The following TLR9 variants were observed in gnomAD, a reference collection of about 807,000 sequenced individuals.
TLR9 encodes the protein toll like receptor 9, also known as toll-like receptor 9.
TLR9 carries 19 observed loss-of-function variants against 24.6 expected under a neutral mutation model. The ratio of observed to expected loss-of-function variants is 0.77; its 90% confidence interval spans 0.54 to 1.13. The LOEUF is 1.13. Among genes scored for constraint, TLR9 ranks in the 50% most tolerant of loss-of-function variants. The pLI, the probability that TLR9 is intolerant of heterozygous loss-of-function variation, is 0.00. For synonymous variants in TLR9, 579 were observed against 609.8 expected (o/e 0.95, Z 0.74); for missense variants, 1,065 against 1,379.6 (o/e 0.77, Z 3.61).
At position 52,223,906 on chromosome 3, in the gene TLR9, G is replaced by A; in HGVS notation, c.410C>T (p.Thr137Ile). The A allele has an allele frequency of 6.2e-7, 1 of 1,603,242 alleles. No individual in the cohort carries two copies. Among genetic ancestry groups the A allele is most frequent in the Non-Finnish European group, 8.5e-7 (1 of 1,173,286 alleles). The change falls in exon 2 of 2, where the codon ACT becomes ATT. Residue 137 changes from threonine to isoleucine, a missense_variant. By Grantham distance (89) the Thr-to-Ile change is moderately conservative (BLOSUM62 -1). Coordinates refer to ENST00000360658, the MANE Select transcript of TLR9 (RefSeq NM_017442.4). ...GAGGGATTTGGGCAGCGCAGGCACA[G>A]TCATGATGTTGTTGTAGCTCAGGTT... ...ELNLSYNNIM[T>I]VPALPKSLIS...
In TLR9 at chr3:52,225,518, T is replaced by G; in HGVS notation, c.3+9A>C. 6.3e-7 allele frequency: 1 copy of G among 1,591,138 alleles called. No individual in the cohort carries two copies. The highest frequency in any genetic ancestry group is 1.9e-5 in the Admixed American group (1 of 53,210). ...CCCTTCCCCAGGGGACTGAGAGCTG[T>G]TGTCCTACCATGCTGGGGGGCAGGG... On this transcript the variant is annotated intron_variant, in intron 1 of 1. Coordinates refer to ENST00000360658, the MANE Select transcript of TLR9 (RefSeq NM_017442.4).
rs200242636 is a variant in TLR9, at chr3:52,222,471, G to T, written c.1845C>A (p.Ala615=). The T allele has an allele frequency of 6.2e-7, 1 of 1,614,220 alleles. No individual in the cohort carries two copies. Among genetic ancestry groups the T allele is most frequent in the Non-Finnish European group, 8.5e-7 (1 of 1,180,044 alleles). The change falls in exon 2 of 2, where the codon GCC becomes GCA. Residue 615 remains alanine (A), a synonymous_variant. Coordinates refer to ENST00000360658, the MANE Select transcript of TLR9 (RefSeq NM_017442.4). ...FSGNALGHMW[A]EGDLYLHFFQ... is the part of the protein sequence containing the mutation. ...AGAAGTGCAGATAGAGGTCTCCCTC[G>T]GCCCACATATGGCCCAGTGCATTGC...
Position 52,224,077 on chromosome 3 carries a change from T to C in TLR9, c.239A>G (p.Asp80Gly). 3 of 1,569,340 alleles carry C rather than the reference T, an allele frequency of 1.9e-6. No homozygotes were observed. The highest frequency in any genetic ancestry group is 2.6e-6 in the Non-Finnish European group (3 of 1,153,828). The change falls in exon 2 of 2, where the codon GAT (aspartate) becomes GGT (glycine). Residue 80 changes from aspartate (D) to glycine (G), a missense_variant. Coordinates refer to ENST00000360658, the MANE Select transcript of TLR9 (RefSeq NM_017442.4). ...GCTGGGCAGGTGGGCAAAGTCAGAA[T>C]CATGGAGGTGGTGGATGCGGTTGGA... is the stretch of plus-strand genomic sequence containing the variant. ...LSSNRIHHLH[D>G]SDFAHLPSLR...
In TLR9 at chr3:52,223,048, G is replaced by A. The variant is rs148578023; in HGVS notation, c.1268C>T (p.Ser423Leu). The change falls in exon 2 of 2, where the codon TCG becomes TTG. Residue 423 changes from serine to leucine, a missense_variant. Physicochemically the swap from Ser to Leu is moderately radical, Grantham distance 145 (BLOSUM62 -2). Transcript: ENST00000360658. ...AFPGLRYVDL[S>L]DNRISGASEL... is the part of the protein sequence containing the mutation. ...CGAAGCTCCGCTGATGCGGTTGTCC[G>A]ACAGGTCCACGTAGCGCAGGCCAGG... The A allele has an allele frequency of 3.6e-5, 57 of 1,591,766 alleles. No individual in the cohort carries two copies. In the Admixed American group the frequency reaches 7.4e-4, roughly 21 times the overall value.
rs780299673 is a variant in TLR9 at position 52,222,117 on chromosome 3, G to A, written c.2199C>T (p.Ser733=). The A allele has an allele frequency of 1.3e-5, 21 of 1,612,078 alleles. No individual in the cohort carries two copies. The highest frequency in any genetic ancestry group is 8.8e-5 in the South Asian group (8 of 90,820). ...GGTCCACTGTCTTGAGGGCGTTGGC[G>A]CTAAGGTTGAGCTCTCGCAGCTCCT... is the stretch of plus-strand genomic sequence containing the variant. ...KAKELRELNL[S]ANALKTVDHS... Residue 733 remains serine (S), a synonymous_variant, in exon 2 of 2, where the codon AGC becomes AGT. Transcript: ENST00000360658.
rs149110022 is a variant in TLR9 at position 52,223,955 on chromosome 3, C to A, written c.361G>T (p.Ala121Ser). ...HMTIEPSTFL[A>S]VPTLEELNLS... ...TTTAGCTCTTCCAGGGTGGGCACAGCCAAGAAGGTGCTGGGCTCGATGGTC... is the reference window on the plus strand; with the variant it reads ...TTTAGCTCTTCCAGGGTGGGCACAGACAAGAAGGTGCTGGGCTCGATGGTC... The change falls in exon 2 of 2, where the codon GCT (alanine) becomes TCT (serine). Residue 121 changes from alanine to serine, a missense_variant. Physicochemically the swap from Ala to Ser is moderately conservative, Grantham distance 99. Coordinates refer to ENST00000360658, the MANE Select transcript of TLR9 (RefSeq NM_017442.4). 21 of 1,592,564 alleles carry A rather than the reference C, an allele frequency of 1.3e-5. No homozygotes were observed. The highest frequency in any genetic ancestry group is 1.0e-4 in the Admixed American group (6 of 58,332).
Position 52,222,691 on chromosome 3 carries a change from G to A in TLR9, c.1625C>T (p.Thr542Met), listed in dbSNP as rs200585692. 19 of 1,613,146 alleles carry A rather than the reference G, an allele frequency of 1.2e-5. No individual in the cohort carries two copies. Among genetic ancestry groups the A allele is most frequent in the East Asian group, 2.2e-5 (1 of 44,834 alleles). The change falls in exon 2 of 2, where the codon ACG becomes ATG. Residue 542 changes from threonine (T) to methionine (M), a missense_variant. Thr to Met is a moderately conservative substitution (Grantham distance 81). Transcript: ENST00000360658. ...CAGGGCCTCCAGTCGCGGTAGCTCC[G>A]TGAATGAGTGCTCGTGGTAGAGGTC... is the stretch of plus-strand genomic sequence containing the variant. ...KLDLYHEHSF[T>M]ELPRLEALDL...
chr3:52,224,621 G>GC (rs1261611580), intron 1 of TLR9, among the ~76,000 whole-genome samples: 3 of 151,990 alleles, frequency 2.0e-5, no homozygotes, highest in Non-Finnish European at 4.4e-5. Context: ...GTGGCCCACG[G>GC]CCCCCCCTGG....
rs759114677 is a variant in TLR9, at chr3:52,222,064, G to A, written c.2252C>T (p.Ala751Val). 5 of 1,612,530 alleles carry A rather than the reference G, an allele frequency of 3.1e-6. No individual in the cohort carries two copies. The highest frequency in any genetic ancestry group is 4.2e-6 in the Non-Finnish European group (5 of 1,179,240). The change falls in exon 2 of 2, where the codon GCC becomes GTC. Residue 751 changes from alanine (A) to valine (V), a missense_variant. By Grantham distance (64) the Ala-to-Val change is moderately conservative (BLOSUM62 0). Coordinates refer to ENST00000360658, the MANE Select transcript of TLR9 (RefSeq NM_017442.4). ...GGCGCTTACATCTAGTATTTGCAGG[G>A]CACTCGCCAGGGGCCCAAACCAGGA... Reference protein sequence around the residue: ...DHSWFGPLASALQILDVSANP... With the variant: ...DHSWFGPLASVLQILDVSANP...
At position 52,223,926 on chromosome 3, in the gene TLR9, C is replaced by T; in HGVS notation, c.390G>A (p.Leu130=). The T allele has an allele frequency of 3.8e-6, 6 of 1,595,110 alleles. No homozygotes were observed. The highest frequency in any genetic ancestry group is 4.3e-6 in the Non-Finnish European group (5 of 1,168,922). ...LAVPTLEELN[L]SYNNIMTVPA... is the part of the protein sequence containing the mutation. ...GCACAGTCATGATGTTGTTGTAGCT[C>T]AGGTTTAGCTCTTCCAGGGTGGGCA... The change falls in exon 2 of 2, where the codon CTG becomes CTA. Residue 130 remains leucine (L), a synonymous_variant. Transcript: ENST00000360658.
intron 1 of TLR9, among the ~76,000 whole-genome samples, chr3:52,225,318 G>A (rs540118628): frequency 4.0e-5 from 6 of 151,842 alleles, no homozygotes; most frequent in Non-Finnish European, 7.4e-5. Context: ...ACTCCAGCCT[G>A]GGCAACAAGA....
chr3:52,221,659 C>T lies in TLR9; in HGVS notation c.2657G>A (p.Trp886Ter). ...FDKTQSAVAD[W>*]VYNELRGQLE... ...CTGCCCCCGAAGCTCGTTGTACACCCAGTCTGCCACTGCGCTCTGCGTTTT... is the reference window on the plus strand; with the variant it reads ...CTGCCCCCGAAGCTCGTTGTACACCTAGTCTGCCACTGCGCTCTGCGTTTT... The change falls in exon 2 of 2, where the codon TGG becomes TAG. Residue 886 changes from tryptophan (W) to a stop codon, truncating the protein, a stop_gained. Transcript: ENST00000360658. LOFTEE classifies it high-confidence loss of function. This position sits in a 1 kb window ranked among gnomAD's most constrained non-coding sequence, Gnocchi z 9.9. The T allele has an allele frequency of 6.2e-7, 1 of 1,613,988 alleles. No homozygotes were observed. Among genetic ancestry groups the T allele is most frequent in the Non-Finnish European group, 8.5e-7 (1 of 1,180,022 alleles).
At position 52,223,057 on chromosome 3, in the gene TLR9, A is replaced by G; in HGVS notation, c.1259T>C (p.Val420Ala). ...GCTGATGCGGTTGTCCGACAGGTCC[A>G]CGTAGCGCAGGCCAGGGAAGGCCCT... ...IFRAFPGLRY[V>A]DLSDNRISGA... Residue 420 changes from valine to alanine, a missense_variant, in exon 2 of 2, where the codon GTG becomes GCG. Transcript: ENST00000360658. 1 of 1,600,762 alleles carries G rather than the reference A, an allele frequency of 6.2e-7. No homozygotes were observed. The highest frequency in any genetic ancestry group is 8.5e-7 in the Non-Finnish European group (1 of 1,172,242).
rs769074481 is a variant in TLR9, at chr3:52,223,077, G to GAT, written c.1238_1239insAT (p.Phe414SerfsTer21). ...GGTCCACGTAGCGCAGGCCAGGGAA[G>GAT]GCCCTGAAGATGCCGAGCTGGGCCT... On this transcript the variant is annotated frameshift_variant, in exon 2 of 2. Coordinates refer to ENST00000360658, the MANE Select transcript of TLR9 (RefSeq NM_017442.4). LOFTEE classifies it low-confidence loss of function (END_TRUNC). 17 of 1,609,340 alleles carry GAT rather than the reference G, an allele frequency of 1.1e-5. 1 individual carries two copies. In the South Asian group the frequency reaches 1.2e-4, roughly 12 times the overall value.
At position 52,223,769 on chromosome 3, in the gene TLR9, G is replaced by A; in HGVS notation, c.547C>T (p.Pro183Ser). 1 of 1,573,416 alleles carries A rather than the reference G, an allele frequency of 6.4e-7. No homozygotes were observed. Among genetic ancestry groups the A allele is most frequent in the East Asian group, 2.3e-5 (1 of 44,440 alleles). Residue 183 changes from proline (P) to serine (S), a missense_variant, in exon 2 of 2, where the codon CCC (proline) becomes TCC (serine). Pro to Ser is a moderately conservative substitution (Grantham distance 74). Coordinates refer to ENST00000360658, the MANE Select transcript of TLR9 (RefSeq NM_017442.4). The part of the protein sequence containing the change: ...FMDGNCYYKN[P>S]CRQALEVAPG... ...GCCACCTCCAGTGCCTGCCTGCAGG[G>A]GTTCTTGTAATAACAGTTGCCGTCC...
In TLR9 at chr3:52,221,962, G is replaced by C. The variant is rs1311427036; in HGVS notation, c.2354C>G (p.Pro785Arg). 1 of 1,610,114 alleles carries C rather than the reference G, an allele frequency of 6.2e-7. No individual in the cohort carries two copies. Among genetic ancestry groups the C allele is most frequent in the African/African-American group, 1.3e-5 (1 of 74,990 alleles). Residue 785 changes from proline to arginine, a missense_variant, in exon 2 of 2, where the codon CCC becomes CGC. Physicochemically the swap from Pro to Arg is moderately radical, Grantham distance 103 (BLOSUM62 -2). Transcript: ENST00000360658. The surrounding 1 kb of genome is among the most constrained non-coding windows in gnomAD (Gnocchi z 9.9). Reference sequence around the variant, plus strand: ...CGGACTGCCACACTTCACCCGGCTGGGCAGACCGGGCACGGCAGCCTGCAC... The same window carrying C: ...CGGACTGCCACACTTCACCCGGCTGCGCAGACCGGGCACGGCAGCCTGCAC... ...LEVQAAVPGL[P>R]SRVKCGSPGQ... is the part of the protein sequence containing the mutation.
At chr3:52,224,896 A>G (rs1699605890) in intron 1 of TLR9, among the ~76,000 whole-genome samples, 1 of 152,250 alleles carries the variant, frequency 6.6e-6, no homozygotes, top group African/African-American at 2.4e-5. Context: ...CTTATGGGTC[A>G]GAACAGATGG....
rs1559437476 is a variant in TLR9 at position 52,222,615 on chromosome 3, G to A, written c.1701C>T (p.Asn567=). 1.2e-6 allele frequency: 2 copies of A among 1,614,148 alleles called. No homozygotes were observed. The highest frequency in any genetic ancestry group is 1.7e-6 in the Non-Finnish European group (2 of 1,180,032). Reference sequence around the variant, plus strand: ...TGCGCAGGTGAGCCACGAAGCTGAAGTTGTGGCCCACGCCCTGCATGCCAA... The same window carrying A: ...TGCGCAGGTGAGCCACGAAGCTGAAATTGTGGCCCACGCCCTGCATGCCAA... ...QPFGMQGVGH[N]FSFVAHLRTL... Residue 567 remains asparagine (N), a synonymous_variant, in exon 2 of 2, where the codon AAC becomes AAT. Transcript: ENST00000360658.
Sources: gnomAD v4.1 joint callset for allele counts (sites outside exome capture counted in the v4.1 genomes callset) on GRCh38, gnomAD v4.1.1 for gene constraint, Gnocchi (gnomAD v3.1) non-coding constraint, MANE v1.5 for transcripts, NCBI Gene and HGNC (gene_info 2026-07-23, HGNC 2026-07-21) for gene names.